ACTN4: variants seen among roughly 807,000 people sequenced by gnomAD.
The protein encoded by ACTN4 is actinin alpha 4, also known as alpha-actinin-4.
Under a neutral mutation model 114.2 loss-of-function variants are expected in ACTN4, and 18 were observed. That is an observed-to-expected ratio of 0.16 (90% CI 0.11 to 0.23). The LOEUF (loss-of-function observed/expected upper bound fraction) is 0.23, where lower values mean the gene tolerates loss of function less well. ACTN4 is among the 10% of genes least tolerant of loss of function. The pLI, the probability that ACTN4 is intolerant of heterozygous loss-of-function variation, is 1.00. For missense variants in ACTN4, 722 were observed against 1,262.9 expected (o/e 0.57, Z 6.49); for synonymous variants, 515 against 506.3 (o/e 1.02, Z -0.23).
intron 1 of ACTN4, among the ~76,000 whole-genome samples, chr19:38,699,874 G>T (rs994618061): frequency 9.2e-5 from 14 of 152,218 alleles, no homozygotes; most frequent in Admixed American, 5.9e-4. Flanking sequence ...TGTGTGCAGG[G>T]CTCAGAGGGT....
chr19:38,672,238 C>CTTTTTTTTTTTTTTTTTTTTT, intron 1 of ACTN4, among the ~76,000 whole-genome samples: 1 of 113,744 alleles, frequency 8.8e-6, no homozygotes, highest in Non-Finnish European at 1.7e-5. Flanking sequence ...ACATGTGGTT[C>CTTTTTTTTTTTTTTTTTTTTT]TTTTTTTTTT....
At chr19:38,656,153 T>A (rs1976705046) in intron 1 of ACTN4, among the ~76,000 whole-genome samples, 1 of 152,202 alleles carries the variant, frequency 6.6e-6, no homozygotes, top group South Asian at 2.1e-4. Context: ...TCACTCTTTT[T>A]ACCAAGGCTG....
At chr19:38,693,308 C>T (rs745974059) in intron 1 of ACTN4, among the ~76,000 whole-genome samples, 1 of 152,122 alleles carries the variant, frequency 6.6e-6, no homozygotes, top group Admixed American at 6.5e-5. Flanking sequence ...ATTTCTAGGC[C>T]CAAAGCGACT....
At chr19:38,713,668 T>C (rs1968742195) in intron 8 of ACTN4, among the ~76,000 whole-genome samples, 1 of 152,226 alleles carries the variant, frequency 6.6e-6, no homozygotes, top group Non-Finnish European at 1.5e-5. Context: ...CTCTGAGCCG[T>C]TGGCCAAGCC....
At chr19:38,692,639 G>A (rs1967967491) in intron 1 of ACTN4, among the ~76,000 whole-genome samples, 1 of 152,230 alleles carries the variant, frequency 6.6e-6, no homozygotes, top group Non-Finnish European at 1.5e-5. Flanking sequence ...AGCCGTTTCT[G>A]CTTTCAGGAA....
At position 38,724,448 on chromosome 19, in the gene ACTN4, A is replaced by T; in HGVS notation, c.1893A>T (p.Pro631=). The change falls in exon 16 of 21, where the codon CCA becomes CCT. Residue 631 remains proline, a synonymous_variant. Transcript: ENST00000252699. The surrounding 1 kb of genome is among the most constrained non-coding windows in gnomAD (Gnocchi z 7.0). ...TCTGCCAGGTGCAGCAGCTGGTGCC[A>T]AAACGGGACCATGCCCTCCTGGAGG... is the stretch of plus-strand genomic sequence containing the variant. ...SKWEKVQQLV[P]KRDHALLEEQ... 1 of 1,613,482 alleles carries T rather than the reference A, an allele frequency of 6.2e-7. No individual in the cohort carries two copies. Among genetic ancestry groups the T allele is most frequent in the Admixed American group, 1.7e-5 (1 of 60,026 alleles).
chr19:38,653,694 A>G (rs528948296), intron 1 of ACTN4, among the ~76,000 whole-genome samples: 1 of 152,152 alleles, frequency 6.6e-6, no homozygotes, highest in African/African-American at 2.4e-5. Context: ...CTTTGCCTTC[A>G]TTTATGTATT....
chr19:38,668,854 T>C (rs549336379), intron 1 of ACTN4, among the ~76,000 whole-genome samples: 1 of 152,290 alleles, frequency 6.6e-6, no homozygotes, highest in East Asian at 1.9e-4. Context: ...GTTTTTCCAA[T>C]GTGCTCTGTG....
chr19:38,672,179 C>T (rs995432385), intron 1 of ACTN4, among the ~76,000 whole-genome samples: 59 of 151,000 alleles, frequency 3.9e-4, no homozygotes, highest in Admixed American at 3.3e-3. Flanking sequence ...CGGGAGTTCT[C>T]ATAGTGGGCT....
chr19:38,661,248 C>T (rs1976877275), intron 1 of ACTN4, among the ~76,000 whole-genome samples: 1 of 152,198 alleles, frequency 6.6e-6, no homozygotes, highest in Non-Finnish European at 1.5e-5. Flanking sequence ...CCTCCCAGGC[C>T]TCCTGGACAG....
At chr19:38,689,128 A>C (rs754827523) in intron 1 of ACTN4, among the ~76,000 whole-genome samples, 42 of 152,222 alleles carry the variant, frequency 2.8e-4, no homozygotes, top group Non-Finnish European at 2.9e-5. Context: ...AAACTTGTAC[A>C]TGAATATTCA....
At chr19:38,673,466 T>TATATATATGA (rs1568689257) in intron 1 of ACTN4, among the ~76,000 whole-genome samples, 14 of 91,702 alleles carry the variant, frequency 1.5e-4, no homozygotes, top group Middle Eastern at 4.6e-3. Context: ...CATATATATT[T>TATATATATGA]ATATATATTT....
chr19:38,675,534 A>G (rs1211703390), intron 1 of ACTN4, among the ~76,000 whole-genome samples: 1 of 152,160 alleles, frequency 6.6e-6, no homozygotes, highest in East Asian at 1.9e-4. Context: ...GCCCCTGGTG[A>G]CTTTGTTGCT....
At chr19:38,713,958 T>C (rs1388068524) in intron 8 of ACTN4, among the ~76,000 whole-genome samples, 9 of 152,160 alleles carry the variant, frequency 5.9e-5, no homozygotes, top group Non-Finnish European at 1.2e-4. Context: ...GTGACTTCTG[T>C]CCTCTGGAGC....
At chr19:38,665,968 C>T (rs1162296585) in intron 1 of ACTN4, among the ~76,000 whole-genome samples, 2 of 152,094 alleles carry the variant, frequency 1.3e-5, no homozygotes, top group African/African-American at 4.8e-5. Context: ...GCAGGAAGGG[C>T]TTCCCACTGA....
chr19:38,718,254 C>T (rs1157686673), intron 11 of ACTN4, 180 bp downstream of exon 11: 1 of 1,065,388 alleles, frequency 9.4e-7, no homozygotes, highest in Admixed American at 2.0e-5. Flanking sequence ...GAGCCAGGTT[C>T]AGTGGCTCAC....
intron 1 of ACTN4, among the ~76,000 whole-genome samples, chr19:38,689,706 C>G (rs1451719565): frequency 6.6e-6 from 1 of 151,980 alleles, no homozygotes; most frequent in African/African-American, 2.4e-5. Flanking sequence ...TGGAGTCTCG[C>G]TCTGTTGCCC....
intron 1 of ACTN4, among the ~76,000 whole-genome samples, chr19:38,654,075 C>T (rs1442526978): frequency 6.6e-6 from 1 of 151,890 alleles, no homozygotes; most frequent in Non-Finnish European, 1.5e-5. Context: ...GAAAGTGGCC[C>T]AGGTATCACT....
At chr19:38,698,383 A>C (rs1599816404) in intron 1 of ACTN4, among the ~76,000 whole-genome samples, 1 of 152,056 alleles carries the variant, frequency 6.6e-6, no homozygotes, top group African/African-American at 2.4e-5. Flanking sequence ...TCAGTATTGT[A>C]TGGGGGAGGC....
Sources: gnomAD v4.1 joint callset for allele counts (sites outside exome capture counted in the v4.1 genomes callset) on GRCh38, gnomAD v4.1.1 for gene constraint, Gnocchi (gnomAD v3.1) non-coding constraint, MANE v1.5 for transcripts, NCBI Gene and HGNC (gene_info 2026-07-23, HGNC 2026-07-21) for gene names.